The following SLIT1 variants were observed in gnomAD, a reference collection of about 807,000 sequenced individuals.
The protein encoded by SLIT1 is slit homolog 1 protein.
A neutral mutation model predicts 186.1 loss-of-function variants in SLIT1; 66 were observed. That is an observed-to-expected ratio of 0.35 (90% CI 0.29 to 0.44). The LOEUF (loss-of-function observed/expected upper bound fraction) is 0.44. SLIT1 is among the 20% of genes least tolerant of loss of function. The pLI, the probability that SLIT1 is intolerant of heterozygous loss-of-function variation, is 1.00. For missense variants in SLIT1, 1,638 were observed against 2,037.4 expected (o/e 0.80, Z 3.77); for synonymous variants, 761 against 833.8 (o/e 0.91, Z 1.50).
At chr10:97,025,365 A>G (rs1848535684) in intron 25 of SLIT1, among the ~76,000 whole-genome samples, 2 of 152,224 alleles carry the variant, frequency 1.3e-5, no homozygotes. Context: ...ATTCAAAAAT[A>G]TAAATTCTGG....
intron 24 of SLIT1, among the ~76,000 whole-genome samples, 187 bp from the exon 25 acceptor site, chr10:97,031,015 G>A (rs375579398): frequency 3.9e-5 from 6 of 152,158 alleles, no homozygotes; most frequent in African/African-American, 9.7e-5. Flanking sequence ...CCAGGCAGAC[G>A]GCCCTGTCCC....
chr10:97,002,050 G>T, intron 36 of SLIT1, 108 bp downstream of exon 36: 1 of 687,848 alleles, frequency 1.5e-6, no homozygotes, highest in South Asian at 2.3e-5. Context: ...CCATGGTACA[G>T]GGCTGGGAAG....
intron 35 of SLIT1, 47 bp downstream of exon 35, chr10:97,002,657 G>C: frequency 2.0e-6 from 3 of 1,494,038 alleles, no homozygotes; most frequent in Non-Finnish European, 2.7e-6. Flanking sequence ...CCATGGGGAA[G>C]GAACAGGTAG....
Position 97,185,882 on chromosome 10 carries a change from G to A in SLIT1, c.-208C>T. The A allele has an allele frequency of 2.0e-6, 1 of 501,372 alleles. No homozygotes were observed. The allele number at this position is 501,372 out of a possible 1,614,324, so 31.1% of individuals were successfully genotyped here. On this transcript the variant is annotated 5_prime_UTR_variant, in exon 1 of 37. Coordinates refer to ENST00000266058, the MANE Select transcript of SLIT1 (RefSeq NM_003061.3). The stretch of plus-strand genomic sequence containing the variant: ...GGAGGGAGGGCGCCTTGGGCGGAGG[G>A]GGCTCGGCTCCTCTGCCGTTTCGCC...
chr10:97,108,775 C>T (rs1463176057), intron 4 of SLIT1, among the ~76,000 whole-genome samples: 1 of 151,088 alleles, frequency 6.6e-6, no homozygotes, highest in Non-Finnish European at 1.5e-5. Flanking sequence ...GTAGTCTCAG[C>T]TAGTCGGGAG....
intron 8 of SLIT1, among the ~76,000 whole-genome samples, chr10:97,062,906 G>A (rs1243348933): frequency 6.6e-6 from 1 of 152,250 alleles, no homozygotes; most frequent in Admixed American, 6.5e-5. Context: ...AGGAGGCTAT[G>A]ACAGAACCCC....
At chr10:97,049,212 G>T in intron 13 of SLIT1, 94 bp from the exon 14 acceptor site, 1 of 1,445,298 alleles carries the variant, frequency 6.9e-7, no homozygotes, top group East Asian at 2.3e-5. Flanking sequence ...CTGGGGCCAA[G>T]GAGGCTGCCT....
intron 25 of SLIT1, among the ~76,000 whole-genome samples, chr10:97,025,183 G>A (rs1848533932): frequency 2.0e-5 from 3 of 152,220 alleles, no homozygotes; most frequent in East Asian, 1.9e-4. Context: ...GCTGAGGCAG[G>A]AGCATCGCTT....
At chr10:97,042,662 T>C (rs1848699601) in intron 20 of SLIT1, among the ~76,000 whole-genome samples, 1 of 152,312 alleles carries the variant, frequency 6.6e-6, no homozygotes, top group Admixed American at 6.5e-5. Flanking sequence ...TTTCCTTCTT[T>C]TATCCATACT....
intron 4 of SLIT1, among the ~76,000 whole-genome samples, chr10:97,106,621 T>C (rs1228381265): frequency 2.0e-5 from 3 of 150,954 alleles, no homozygotes; most frequent in Admixed American, 6.6e-5. Flanking sequence ...TATTTGTAAA[T>C]AAGGAAACAA....
chr10:97,102,978 G>A (rs1849375118), intron 4 of SLIT1: 1 of 152,230 alleles, frequency 6.6e-6, no homozygotes, highest in African/African-American at 2.4e-5. Flanking sequence ...CAAGGGCACA[G>A]GGGGAAGCTA....
rs550920361 is a variant in SLIT1, at chr10:97,048,691, C to G, written c.1465+264G>C. 1.2e-4 allele frequency among the ~76,000 whole-genome samples: 19 copies of G among 152,224 alleles called. No homozygotes were observed. In the South Asian group the frequency reaches 3.9e-3, roughly 32 times the overall value. On this transcript the variant is annotated intron_variant, in intron 14 of 36. Coordinates refer to ENST00000266058, the MANE Select transcript of SLIT1 (RefSeq NM_003061.3). ...GCCATCCAGGAAACATCAGGGGGTC[C>G]CTGAGCAGGCTGAATACAGACAGAC...
intron 20 of SLIT1, among the ~76,000 whole-genome samples, chr10:97,041,443 G>A (rs1275495854): frequency 6.6e-6 from 1 of 151,612 alleles, no homozygotes; most frequent in Non-Finnish European, 1.5e-5. Context: ...GTTGGGGCAT[G>A]GGGGCCGGGG....
Position 97,043,739 on chromosome 10 carries a change from GTCTC to G in SLIT1, c.1854-230_1854-227del, listed in dbSNP as rs914971994. ...CGCCTCTGAGAAGCCTCGAGGCTCT[GTCTC>G]TCTCTCCCTGCCACTGCCCTGTCCC... On this transcript the variant is annotated intron_variant, in intron 18 of 36. Transcript: ENST00000266058. The surrounding 1 kb of genome is among the most constrained non-coding windows in gnomAD (Gnocchi z 7.0). Among the ~76,000 whole-genome samples, 2 of 152,120 alleles carry G rather than the reference GTCTC, an allele frequency of 1.3e-5. No homozygotes were observed. Among genetic ancestry groups the G allele is most frequent in the Non-Finnish European group, 2.9e-5 (2 of 68,008 alleles).
At chr10:97,088,099 GT>G (rs1320752370) in intron 4 of SLIT1, among the ~76,000 whole-genome samples, 139 of 152,272 alleles carry the variant, frequency 9.1e-4, no homozygotes, top group Non-Finnish European at 1.7e-3. Context: ...AAAAAATACT[GT>G]TGCCTGGACC....
At chr10:97,137,026 AC>A (rs1849709859) in intron 4 of SLIT1, among the ~76,000 whole-genome samples, 2 of 152,196 alleles carry the variant, frequency 1.3e-5, no homozygotes, top group Admixed American at 1.3e-4. Context: ...TCCAACCTGG[AC>A]TTCACACCAA....
At chr10:97,166,952 C>A (rs1050688649) in intron 1 of SLIT1, among the ~76,000 whole-genome samples, 4 of 152,184 alleles carry the variant, frequency 2.6e-5, no homozygotes, top group African/African-American at 9.7e-5. Context: ...GCTTTTTCTA[C>A]CAGGTCAGGC....
chr10:97,037,048 TTGTGTGTGTGTGTGTG>T (rs59578209), intron 22 of SLIT1, among the ~76,000 whole-genome samples: 85 of 116,946 alleles, frequency 7.3e-4, no homozygotes, highest in African/African-American at 1.9e-3. Flanking sequence ...ATAACCCCCT[TTGTGTGTGTGTGTGTG>T]TGTGTGTGTG....
chr10:97,034,163 C>T (rs1008063255), intron 23 of SLIT1, among the ~76,000 whole-genome samples: 1 of 152,332 alleles, frequency 6.6e-6, no homozygotes, highest in Middle Eastern at 3.4e-3. Context: ...CTGCGCCTGG[C>T]CGAGTGTCCT....
Sources: gnomAD v4.1 joint callset for allele counts (sites outside exome capture counted in the v4.1 genomes callset) on GRCh38, gnomAD v4.1.1 for gene constraint, Gnocchi (gnomAD v3.1) non-coding constraint, MANE v1.5 for transcripts, NCBI Gene and HGNC (gene_info 2026-07-23, HGNC 2026-07-21) for gene names.